FRMPD4: variants seen among roughly 807,000 people sequenced by gnomAD.
The protein encoded by FRMPD4 is FERM and PDZ domain containing 4.
A neutral mutation model predicts 94.1 loss-of-function variants in FRMPD4; 22 were observed. That is an observed-to-expected ratio of 0.23 (90% CI 0.17 to 0.33). The LOEUF is 0.33. Ranked by LOEUF, FRMPD4 falls within the 10% of genes least tolerant of loss-of-function variation. FRMPD4 has a pLI of 1.00. For synonymous variants in FRMPD4, 631 were observed against 548.6 expected (o/e 1.15, Z -2.10); for missense variants, 1,111 against 1,339.9 (o/e 0.83, Z 2.67).
chrX:12,414,277 T>G (rs1346915865), intron 1 of FRMPD4, among the ~76,000 whole-genome samples: 3 of 112,396 alleles, frequency 2.7e-5, no homozygotes, highest in African/African-American at 9.7e-5. Context: ...ATCTGCCCAT[T>G]TTCAATTTTT....
intron 1 of FRMPD4, among the ~76,000 whole-genome samples, chrX:12,302,976 T>C (rs1362039290): frequency 1.8e-5 from 2 of 111,684 alleles, no homozygotes; most frequent in Admixed American, 1.9e-4. Flanking sequence ...TCATTGCCAG[T>C]GATACTGGCA....
At chrX:12,613,850 G>T (rs1449520454) in intron 3 of FRMPD4, among the ~76,000 whole-genome samples, 2 of 112,574 alleles carry the variant, frequency 1.8e-5, no homozygotes, top group Non-Finnish European at 3.8e-5. Context: ...GGTGGCGGGC[G>T]CCTGTAGTCC....
At position 12,335,576 on chromosome X, in the gene FRMPD4, T is replaced by C. The variant is rs772420356; in HGVS notation, c.42-163104T>C. 4.5e-5 allele frequency among the ~76,000 whole-genome samples: 5 copies of C among 111,771 alleles called. No individual in the cohort carries two copies. The South Asian group carries it at 1.9e-3, about 43-fold the overall frequency. On this transcript the variant is annotated intron_variant, in intron 1 of 16. Coordinates refer to ENST00000675598, the MANE Select transcript of FRMPD4 (RefSeq NM_001368397.1). ...CCCTTGGACTCTGCGTCTAGCCTAC[T>C]CCCATTTTCCAGGGCCATTTCTCTC... is the stretch of plus-strand genomic sequence containing the variant.
At chrX:12,532,512 G>A (rs1602083349) in intron 2 of FRMPD4, among the ~76,000 whole-genome samples, 1 of 111,890 alleles carries the variant, frequency 8.9e-6, no homozygotes, top group African/African-American at 3.2e-5. Flanking sequence ...AGTATTAGCA[G>A]TATCTGTGAC....
chrX:12,267,967 A>C (rs1384798348), intron 1 of FRMPD4, among the ~76,000 whole-genome samples: 3 of 112,868 alleles, frequency 2.7e-5, no homozygotes, highest in Non-Finnish European at 5.6e-5. Context: ...TCCAAGACTC[A>C]GTGGTTTAAT....
chrX:11,834,344 G>A (rs375811806), intron 1 of FRMPD4, among the ~76,000 whole-genome samples: 9 of 111,783 alleles, frequency 8.1e-5, no homozygotes, highest in African/African-American at 1.9e-4. Flanking sequence ...CAGTCCTTCC[G>A]TTGGTTCTCC....
chrX:12,710,583 C>T (rs1021545402), intron 14 of FRMPD4, 46 bp downstream of exon 14: 2 of 1,087,920 alleles, frequency 1.8e-6, no homozygotes, highest in African/African-American at 1.8e-5. Context: ...CCTGCAAACA[C>T]CCCACCTGAC....
At chrX:12,548,016 T>C (rs2148324790) in intron 2 of FRMPD4, among the ~76,000 whole-genome samples, 1 of 112,471 alleles carries the variant, frequency 8.9e-6, no homozygotes, top group Admixed American at 9.5e-5. Context: ...ATGGACTTAA[T>C]ATATTTTTAT....
intron 2 of FRMPD4, among the ~76,000 whole-genome samples, chrX:12,587,126 G>A (rs1300914885): frequency 1.6e-4 from 18 of 109,820 alleles, no homozygotes; most frequent in African/African-American, 3.3e-4. Context: ...ACAAGTTCGC[G>A]CCACCACGCC....
intron 4 of FRMPD4, among the ~76,000 whole-genome samples, chrX:12,665,517 A>G (rs774091136): frequency 1.8e-5 from 2 of 111,917 alleles, no homozygotes; most frequent in Non-Finnish European, 3.8e-5. Context: ...ACTCTGTCAA[A>G]AAAGCTAGCT....
At chrX:11,845,029 G>A (rs2053565692) in intron 1 of FRMPD4, among the ~76,000 whole-genome samples, 1 of 112,072 alleles carries the variant, frequency 8.9e-6, no homozygotes, top group South Asian at 3.7e-4. Flanking sequence ...ACTTTTCAAT[G>A]TCAGAATTTC....
At position 12,701,690 on chromosome X, in the gene FRMPD4, T is replaced by C. The variant is rs186092472; in HGVS notation, c.934-184T>C. ...CTAAATGTTTTGTGTGGTCTCTGTG[T>C]TTGCGCTTGCAATTCAATACTGACT... On this transcript the variant is annotated intron_variant, in intron 9 of 16. Coordinates refer to ENST00000675598, the MANE Select transcript of FRMPD4 (RefSeq NM_001368397.1). Among the ~76,000 whole-genome samples the C allele has an allele frequency of 4.4e-3, 492 of 112,805 alleles. 4 individuals carry two copies. The highest frequency in any genetic ancestry group is 0.015 in the African/African-American group (456 of 31,115).
chrX:12,623,528 C>A, intron 4 of FRMPD4, among the ~76,000 whole-genome samples: 1 of 65,863 alleles, frequency 1.5e-5, no homozygotes, highest in African/African-American at 5.6e-5. Flanking sequence ...TATGAGATAC[C>A]ATCAATTGAA....
In FRMPD4 at chrX:12,565,798, C is replaced by T. The variant is rs1277591505; in HGVS notation, c.159-43923C>T. ...CTTAGTTGTGACAAATGTACCATGC[C>T]AACATAAGACATTAACAATGGGGGA... On this transcript the variant is annotated intron_variant, in intron 2 of 16. Transcript: ENST00000675598. Among the ~76,000 whole-genome samples the T allele has an allele frequency of 2.7e-5, 3 of 111,713 alleles. No individual in the cohort carries two copies. The East Asian group carries it at 8.4e-4, about 31-fold the overall frequency.
chrX:12,010,800 A>C (rs1390739745), intron 3 of FRMPD4, among the ~76,000 whole-genome samples: 1 of 112,447 alleles, frequency 8.9e-6, no homozygotes, highest in African/African-American at 3.2e-5. Flanking sequence ...TAAGGCAAGA[A>C]AGTCTTCTAG....
chrX:12,233,977 A>ATTATTTATTTAT (rs111441692), intron 1 of FRMPD4, among the ~76,000 whole-genome samples: 17,095 of 103,070 alleles, frequency 0.17, 1,201 homozygotes, highest in South Asian at 0.31. Flanking sequence ...GAATGAATGA[A>ATTATTTATTTAT]TTATTTATTT....
At chrX:12,281,050 C>T (rs141539700) in intron 1 of FRMPD4, among the ~76,000 whole-genome samples, 2,535 of 112,101 alleles carry the variant, frequency 0.023, 69 homozygotes, top group African/African-American at 0.078. Context: ...GAAAACAAAA[C>T]CCCAAGCATT....
chrX:12,537,540 C>T (rs898976353), intron 2 of FRMPD4, among the ~76,000 whole-genome samples: 2 of 104,517 alleles, frequency 1.9e-5, no homozygotes, highest in Non-Finnish European at 3.9e-5. Context: ...GCAGCCTTGA[C>T]CTCCTGGGCT....
At chrX:12,451,430 G>A (rs2057269194) in intron 1 of FRMPD4, among the ~76,000 whole-genome samples, 1 of 111,593 alleles carries the variant, frequency 9.0e-6, no homozygotes, top group Non-Finnish European at 1.9e-5. Flanking sequence ...TTTTCCGTCT[G>A]TTTAATTGGG....
Sources: allele counts gnomAD v4.1 joint callset (sites outside exome capture counted in the v4.1 genomes callset), GRCh38; gene constraint gnomAD v4.1.1; transcripts MANE v1.5; gene names NCBI Gene and HGNC (gene_info 2026-07-23, HGNC 2026-07-21).